Variants in RALYL observed in about 807,000 individuals in gnomAD.
RALYL encodes RNA-binding Raly-like protein.
A neutral mutation model predicts 35.1 loss-of-function variants in RALYL; 29 were observed. The ratio of observed to expected loss-of-function variants is 0.83; its 90% CI spans 0.61 to 1.13. The LOEUF (loss-of-function observed/expected upper bound fraction) is 1.13. Ranked by LOEUF, RALYL falls within the 50% of genes most tolerant of loss-of-function variation. RALYL has a pLI of 0.00. For synonymous variants in RALYL, 120 were observed against 127.6 expected (o/e 0.94, Z 0.40); for missense variants, 359 against 360.4 (o/e 1.00, Z 0.03).
At chr8:84,813,420 C>G (rs1454851870) in intron 4 of RALYL, among the ~76,000 whole-genome samples, 1 of 152,216 alleles carries the variant, frequency 6.6e-6, no homozygotes, top group Non-Finnish European at 1.5e-5. Flanking sequence ...GAACTGCAGT[C>G]TAGTCCTGCC....
intron 1 of RALYL, among the ~76,000 whole-genome samples, chr8:84,338,341 A>G (rs1416012427): frequency 2.0e-5 from 3 of 151,998 alleles, no homozygotes; most frequent in African/African-American, 7.2e-5. Context: ...AATTAATTGT[A>G]CTAGGGACAT....
chr8:84,862,609 T>G (rs139461127), intron 6 of RALYL, among the ~76,000 whole-genome samples, 156 bp downstream of exon 6: 2 of 152,224 alleles, frequency 1.3e-5, no homozygotes, highest in Non-Finnish European at 2.9e-5. Context: ...AAATGGTCTC[T>G]GCTTTCCACC....
At chr8:84,795,919 C>A (rs1404226004) in intron 3 of RALYL, among the ~76,000 whole-genome samples, 1 of 152,176 alleles carries the variant, frequency 6.6e-6, no homozygotes, top group African/African-American at 2.4e-5. Context: ...GTATCACCCC[C>A]ACTTTGCCAC....
chr8:84,920,929 T>A lies in RALYL; in HGVS notation c.*18T>A, dbSNP rs1849241414. The A allele has an allele frequency of 6.9e-7, 1 of 1,442,278 alleles. No homozygotes were observed. The allele number at this position is 1,442,278 out of a possible 1,614,324, so 89.3% of individuals were successfully genotyped here. A position where few individuals can be genotyped will look rare whatever the true frequency, so the allele number is the denominator to read the frequency against. On this transcript the variant is annotated 3_prime_UTR_variant, in exon 9 of 9. Coordinates refer to ENST00000521268, the MANE Select transcript of RALYL (RefSeq NM_173848.7). ...TAAAGTGATCTGAAATAACGCATGA[T>A]GCCACAAAGCAGAAAAGAGAAACTG... is the stretch of plus-strand genomic sequence containing the variant.
At chr8:84,661,118 C>T (rs1019752733) in intron 2 of RALYL, among the ~76,000 whole-genome samples, 5 of 151,706 alleles carry the variant, frequency 3.3e-5, no homozygotes, top group African/African-American at 7.3e-5. Flanking sequence ...TTAGTAGAGA[C>T]GGGGTTTCAC....
At chr8:84,307,913 T>A (rs1842122795) in intron 1 of RALYL, among the ~76,000 whole-genome samples, 1 of 152,110 alleles carries the variant, frequency 6.6e-6, no homozygotes, top group Non-Finnish European at 1.5e-5. Flanking sequence ...AAAGCTGTAA[T>A]TTCAGGAAGT....
At chr8:84,235,359 T>G (rs1826275684) in intron 1 of RALYL, among the ~76,000 whole-genome samples, 1 of 152,226 alleles carries the variant, frequency 6.6e-6, no homozygotes, top group African/African-American at 2.4e-5. Flanking sequence ...CATTATCAGC[T>G]TCCCCTCTTC....
intron 1 of RALYL, among the ~76,000 whole-genome samples, chr8:84,195,210 C>T (rs531343766): frequency 7.9e-5 from 12 of 152,024 alleles, no homozygotes; most frequent in South Asian, 2.1e-4. Flanking sequence ...CAATATTTGT[C>T]GGGGATCTAT....
intron 2 of RALYL, among the ~76,000 whole-genome samples, chr8:84,752,703 C>T (rs1810369193): frequency 6.6e-6 from 1 of 152,172 alleles, no homozygotes. Flanking sequence ...GTCCCAGGTA[C>T]AGCTTGGGCC....
rs10712255 is a variant in RALYL, at chr8:84,887,592, T to TCC, written c.686-4_686-3dup. ...CCCAAGGTAGTAGTCATTTGCTTTC[T>TCC]CCCCCCCCCAGAAGCTCAGAAGAAG... is the stretch of plus-strand genomic sequence containing the variant. On this transcript the variant is annotated splice_polypyrimidine_tract_variant and intron_variant, in intron 7 of 8. Transcript: ENST00000521268. The TCC allele has an allele frequency of 6.0e-5, 94 of 1,570,174 alleles. No homozygotes were observed. Among genetic ancestry groups the TCC allele is most frequent in the Admixed American group, 9.2e-5 (5 of 54,442 alleles).
intron 1 of RALYL, among the ~76,000 whole-genome samples, chr8:84,479,605 A>G (rs2053842051): frequency 6.6e-6 from 1 of 152,162 alleles, no homozygotes; most frequent in African/African-American, 2.4e-5. Flanking sequence ...TCTGGAAACT[A>G]TTATATCGTT....
intron 2 of RALYL, among the ~76,000 whole-genome samples, chr8:84,693,692 T>G (rs1564386787): frequency 6.6e-6 from 1 of 151,924 alleles, no homozygotes; most frequent in Non-Finnish European, 1.5e-5. Context: ...ATATTCCTGA[T>G]GAACATAGAT....
intron 2 of RALYL, among the ~76,000 whole-genome samples, chr8:84,654,906 C>G (rs1346408748): frequency 6.6e-6 from 1 of 152,076 alleles, no homozygotes; most frequent in East Asian, 1.9e-4. Context: ...ATACAGCTAT[C>G]TCTTCGATAT....
chr8:84,841,908 CT>C (rs775492830), intron 4 of RALYL, among the ~76,000 whole-genome samples: 14 of 152,326 alleles, frequency 9.2e-5, no homozygotes, highest in Non-Finnish European at 1.8e-4. Flanking sequence ...TAAAGACGTT[CT>C]TTGAAACCAA....
chr8:84,904,728 T>A (rs1375074708), intron 8 of RALYL, among the ~76,000 whole-genome samples: 2 of 152,252 alleles, frequency 1.3e-5, no homozygotes, highest in Non-Finnish European at 1.5e-5. Context: ...ACAAATTGCA[T>A]TGGTTAAAAG....
At chr8:84,689,539 C>T (rs1029212965) in intron 2 of RALYL, among the ~76,000 whole-genome samples, 16 of 152,138 alleles carry the variant, frequency 1.1e-4, no homozygotes, top group South Asian at 2.1e-4. Context: ...AATAAACATA[C>T]GTGTGCATGT....
intron 1 of RALYL, among the ~76,000 whole-genome samples, chr8:84,271,624 A>G (rs1834324896): frequency 6.6e-6 from 1 of 152,014 alleles, no homozygotes; most frequent in African/African-American, 2.4e-5. Context: ...GTGAATAAAT[A>G]TGGTGTATCC....
At chr8:84,304,904 T>C (rs1841503455) in intron 1 of RALYL, among the ~76,000 whole-genome samples, 1 of 152,176 alleles carries the variant, frequency 6.6e-6, no homozygotes, top group Non-Finnish European at 1.5e-5. Context: ...GTAAATTTGC[T>C]AAATAGTTCT....
chr8:84,194,982 A>G (rs1271891833), intron 1 of RALYL, among the ~76,000 whole-genome samples: 1 of 152,070 alleles, frequency 6.6e-6, no homozygotes, highest in Non-Finnish European at 1.5e-5. Context: ...TGGTACAGCA[A>G]TAGGTCAGCA....
Sources: gnomAD v4.1 joint callset for allele counts (sites outside exome capture counted in the v4.1 genomes callset) on GRCh38, gnomAD v4.1.1 for gene constraint, MANE v1.5 for transcripts, NCBI Gene and HGNC (gene_info 2026-07-23, HGNC 2026-07-21) for gene names.